The following ITGA8 variants were observed in gnomAD, a reference collection of about 807,000 sequenced individuals.
ITGA8 encodes integrin subunit alpha 8.
Under a neutral mutation model 142.3 loss-of-function variants are expected in ITGA8, and 91 were observed. The ratio of observed to expected loss-of-function variants is 0.64; its 90% CI spans 0.54 to 0.76. The LOEUF (loss-of-function observed/expected upper bound fraction) is 0.76. ITGA8 is among the 30% of genes least tolerant of loss of function. The probability of loss-of-function intolerance (pLI) is 0.00; values close to 1 mark genes in which losing one functional copy is unlikely to be tolerated. For missense variants in ITGA8, 1,406 were observed against 1,327.7 expected, an observed-to-expected ratio of 1.06 and a Z score of -0.92; for synonymous variants, 505 against 485.2, an observed-to-expected ratio of 1.04 and a Z score of -0.54.
At chr10:15,621,018 C>A (rs902494964) in intron 13 of ITGA8, among the ~76,000 whole-genome samples, 10 of 152,198 alleles carry the variant, frequency 6.6e-5, no homozygotes, top group Admixed American at 3.3e-4. Context: ...GAATTTATAA[C>A]ACTTGGAACA....
intron 3 of ITGA8, among the ~76,000 whole-genome samples, chr10:15,684,611 G>T (rs373799307): frequency 5.3e-5 from 8 of 152,130 alleles, no homozygotes; most frequent in African/African-American, 1.7e-4. Flanking sequence ...GGGCTTAAGT[G>T]ATCCTCTTGT....
chr10:15,662,200 A>G (rs1834300417), intron 8 of ITGA8, among the ~76,000 whole-genome samples: 2 of 152,164 alleles, frequency 1.3e-5, no homozygotes, highest in Admixed American at 6.5e-5. Context: ...AGTGATCAGG[A>G]CAGCTTAATT....
intron 13 of ITGA8, among the ~76,000 whole-genome samples, chr10:15,635,409 T>C (rs1833756986): frequency 1.3e-5 from 2 of 152,168 alleles, no homozygotes; most frequent in Non-Finnish European, 2.9e-5. Context: ...ATCAGAGAAG[T>C]GTAGAATTAA....
intron 8 of ITGA8, among the ~76,000 whole-genome samples, chr10:15,664,892 C>G (rs571518391): frequency 1.3e-5 from 2 of 152,210 alleles, no homozygotes; most frequent in African/African-American, 4.8e-5. Context: ...ATATGTGCCA[C>G]ATTTTCTTAA....
intron 8 of ITGA8, among the ~76,000 whole-genome samples, chr10:15,664,283 A>G (rs1834344076): frequency 6.6e-6 from 1 of 152,204 alleles, no homozygotes; most frequent in Admixed American, 6.5e-5. Flanking sequence ...GCGTTACAAT[A>G]TACTGCCTTT....
chr10:15,687,123 TTTATACC>T (rs1447880131), intron 3 of ITGA8, among the ~76,000 whole-genome samples: 8 of 152,340 alleles, frequency 5.3e-5, no homozygotes, highest in African/African-American at 1.9e-4. Context: ...CTGTATACTC[TTTATACC>T]TTACCTGTTT....
intron 2 of ITGA8, among the ~76,000 whole-genome samples, chr10:15,698,462 T>C (rs924231144): frequency 1.3e-5 from 2 of 152,210 alleles, no homozygotes; most frequent in African/African-American, 4.8e-5. Context: ...GTAGATCTTC[T>C]TTTATTTCTT....
At chr10:15,591,241 C>T (rs1832916837) in intron 22 of ITGA8, among the ~76,000 whole-genome samples, 1 of 151,756 alleles carries the variant, frequency 6.6e-6, no homozygotes, top group African/African-American at 2.4e-5. Context: ...GTTCAACATG[C>T]CAGGCAAGGT....
intron 5 of ITGA8, 88 bp from the exon 6 acceptor site, chr10:15,677,725 T>C: frequency 1.5e-6 from 2 of 1,304,134 alleles, no homozygotes; most frequent in South Asian, 2.6e-5. Context: ...TTAATAAGCA[T>C]TGCTCTAACA....
At chr10:15,667,681 C>G (rs1173010462) in intron 8 of ITGA8, among the ~76,000 whole-genome samples, 1 of 151,756 alleles carries the variant, frequency 6.6e-6, no homozygotes, top group African/African-American at 2.4e-5. Flanking sequence ...CCTCTACACA[C>G]TGCTTTGAAT....
chr10:15,665,851 G>T (rs1051536192), intron 8 of ITGA8, among the ~76,000 whole-genome samples: 1 of 152,048 alleles, frequency 6.6e-6, no homozygotes, highest in African/African-American at 2.4e-5. Context: ...ATTTCTGAGG[G>T]CTCTGTTCTG....
rs9333267 is a variant in ITGA8, at chr10:15,616,570, C to G, written c.1400-11G>C. 36 of 1,610,178 alleles carry G rather than the reference C, an allele frequency of 2.2e-5. No individual in the cohort carries two copies. The Admixed American group carries it at 3.8e-4, about 17-fold the overall frequency. On this transcript the variant is annotated splice_polypyrimidine_tract_variant and intron_variant, in intron 13 of 29. Transcript: ENST00000378076. ...CACCCACAATCAAATCTTAAAAAGA[C>G]AAAAACACAGAACACATGCGTGAAT...
intron 17 of ITGA8, among the ~76,000 whole-genome samples, chr10:15,606,662 A>G (rs760411403): frequency 7.2e-5 from 11 of 152,186 alleles, no homozygotes; most frequent in Non-Finnish European, 1.3e-4. Flanking sequence ...TTCTGGAGCC[A>G]ATCTTTGGGT....
intron 3 of ITGA8, among the ~76,000 whole-genome samples, chr10:15,686,613 T>C (rs2131706591): frequency 6.6e-6 from 1 of 152,364 alleles, no homozygotes; most frequent in East Asian, 1.9e-4. Context: ...CCATGGTACC[T>C]GGATATACAA....
At chr10:15,545,515 T>G (rs1265762226) in intron 27 of ITGA8, among the ~76,000 whole-genome samples, 2 of 152,178 alleles carry the variant, frequency 1.3e-5, no homozygotes, top group Non-Finnish European at 2.9e-5. Flanking sequence ...AAGATGAATA[T>G]CCACATGCCT....
At chr10:15,569,499 T>C (rs1230752239) in intron 25 of ITGA8, among the ~76,000 whole-genome samples, 2 of 152,258 alleles carry the variant, frequency 1.3e-5, no homozygotes, top group African/African-American at 4.8e-5. Context: ...ATTGAATTCT[T>C]GCCTTGACAA....
chr10:15,718,896 C>G lies in ITGA8; in HGVS notation c.213G>C (p.Ala71=), dbSNP rs139280055. The G allele has an allele frequency of 6.2e-7, 1 of 1,614,068 alleles. No individual in the cohort carries two copies. Among genetic ancestry groups the G allele is most frequent in the Non-Finnish European group, 8.5e-7 (1 of 1,180,024 alleles). Residue 71 remains alanine, a synonymous_variant, in exon 2 of 30, where the codon GCG becomes GCC. Transcript: ENST00000378076. ...CTTTGGGCGCCCCCACCAAGACACT[C>G]GCTCTGCAAAAGAGTTGGAGAAAGT... The part of the protein sequence containing the change: ...VDFHIPDART[A]SVLVGAPKAN...
chr10:15,714,031 C>T (rs563775420), intron 2 of ITGA8, among the ~76,000 whole-genome samples: 1 of 152,246 alleles, frequency 6.6e-6, no homozygotes, highest in East Asian at 1.9e-4. Context: ...TGACTGGTTC[C>T]CAGCTGTATT....
intron 4 of ITGA8, among the ~76,000 whole-genome samples, chr10:15,682,151 G>T (rs1834749591): frequency 6.6e-6 from 1 of 152,064 alleles, no homozygotes; most frequent in Non-Finnish European, 1.5e-5. Context: ...CCCAGCACAG[G>T]TCTCTCCCTT....
Sources: allele counts gnomAD v4.1 joint callset (sites outside exome capture counted in the v4.1 genomes callset), GRCh38; gene constraint gnomAD v4.1.1; transcripts MANE v1.5; gene names NCBI Gene and HGNC (gene_info 2026-07-23, HGNC 2026-07-21).